ARHGEF19: variants seen among roughly 807,000 people sequenced by gnomAD.
ARHGEF19 encodes the protein Rho guanine nucleotide exchange factor (GEF) 19.
ARHGEF19 carries 92 observed loss-of-function variants against 87.6 expected under a neutral mutation model. The observed-to-expected ratio is 1.05, with a 90% CI of 0.89 to 1.25. ARHGEF19 has a LOEUF of 1.25. Among genes scored for constraint, ARHGEF19 ranks in the 50% most tolerant of loss-of-function variants. ARHGEF19 has a pLI of 0.00. For missense variants in ARHGEF19, 1,054 were observed against 1,051.8 expected, an observed-to-expected ratio of 1.00 and a Z score of -0.03; for synonymous variants, 438 against 446.2, an observed-to-expected ratio of 0.98 and a Z score of 0.23.
chr1:16,205,032 G>A lies in ARHGEF19; in HGVS notation c.1746+55C>T. The A allele has an allele frequency of 6.4e-7, 1 of 1,564,782 alleles. No individual in the cohort carries two copies. Among genetic ancestry groups the A allele is most frequent in the African/African-American group, 1.4e-5 (1 of 73,846 alleles). Reference sequence around the variant, plus strand: ...ACTGGCCTGAAGCCCCCAGGGCAAGGAAGAAACAAGAGCTGCCCCTTGGGG... The same window carrying A: ...ACTGGCCTGAAGCCCCCAGGGCAAGAAAGAAACAAGAGCTGCCCCTTGGGG... On this transcript the variant is annotated intron_variant, in intron 11 of 15. Transcript: ENST00000270747. The surrounding 1 kb of genome is among the most constrained non-coding windows in gnomAD (Gnocchi z 5.8).
chr1:16,205,208 C>A lies in ARHGEF19; in HGVS notation c.1657-32G>T. 6.3e-7 allele frequency: 1 copy of A among 1,591,360 alleles called. No homozygotes were observed. The highest frequency in any genetic ancestry group is 2.3e-5 in the East Asian group (1 of 43,992). On this transcript the variant is annotated intron_variant, in intron 10 of 15. Transcript: ENST00000270747. The surrounding 1 kb of genome is among the most constrained non-coding windows in gnomAD (Gnocchi z 5.8). ...GAGCCGTGGGGAGGTCACCTGCAGC[C>A]CCTCAGCTCCGGCTCCCAGAGCCCA...
At chr1:16,204,386 G>A (rs950862043) in intron 12 of ARHGEF19, among the ~76,000 whole-genome samples, 2 of 152,168 alleles carry the variant, frequency 1.3e-5, no homozygotes, top group African/African-American at 4.8e-5. Context: ...GGATTAAAGG[G>A]AATAATCCAC....
intron 13 of ARHGEF19, among the ~76,000 whole-genome samples, chr1:16,202,175 C>T (rs1220503996): frequency 6.6e-6 from 1 of 152,236 alleles, no homozygotes. Context: ...TGCCCAGAGG[C>T]TGAGGAGGAG....
At chr1:16,208,591 C>A (rs988682344) in intron 2 of ARHGEF19, 52 bp downstream of exon 2, 1 of 1,536,700 alleles carries the variant, frequency 6.5e-7, no homozygotes, top group Non-Finnish European at 8.7e-7. Context: ...CCCAGCCCCT[C>A]CCCTATCCCC....
chr1:16,205,698 G>A lies in ARHGEF19; in HGVS notation c.1452-31C>T. 1 of 1,581,086 alleles carries A rather than the reference G, an allele frequency of 6.3e-7. No individual in the cohort carries two copies. The highest frequency in any genetic ancestry group is 1.9e-5 in the Admixed American group (1 of 52,284). ...AAATGGGGAGGACTCTGGAATCACA[G>A]GTAGGCCTGAATTCCTGGGATCCAC... On this transcript the variant is annotated intron_variant, in intron 8 of 15. Transcript: ENST00000270747. The surrounding 1 kb of genome is among the most constrained non-coding windows in gnomAD (Gnocchi z 5.8).
At chr1:16,199,804 G>A (rs1325056717) in intron 14 of ARHGEF19, among the ~76,000 whole-genome samples, 4 of 151,340 alleles carry the variant, frequency 2.6e-5, no homozygotes, top group African/African-American at 4.9e-5. Flanking sequence ...TGCTATCCTC[G>A]TCTTCTCCCC....
In ARHGEF19 at chr1:16,212,494, G is replaced by C. The variant is rs1407483131; in HGVS notation, c.-30+8C>G. 1 of 152,542 alleles carries C rather than the reference G, an allele frequency of 6.6e-6. No individual in the cohort carries two copies. Among genetic ancestry groups the C allele is most frequent in the Admixed American group, 6.5e-5 (1 of 15,280 alleles). 9.4% of individuals were successfully genotyped at this position (152,542 alleles called of 1,614,324 possible). A position where few individuals can be genotyped will look rare whatever the true frequency, so the allele number is the denominator to read the frequency against. On this transcript the variant is annotated splice_region_variant and intron_variant, in intron 1 of 15. Transcript: ENST00000270747. Reference sequence around the variant, plus strand: ...AATGGGACTGCTGGCACCCAGGTGGGGCCCTACCTCAGCCAGGGAGCTCCG... The same window carrying C: ...AATGGGACTGCTGGCACCCAGGTGGCGCCCTACCTCAGCCAGGGAGCTCCG...
chr1:16,199,242 A>G lies in ARHGEF19; in HGVS notation c.2159T>C (p.Val720Ala). 2 of 1,613,732 alleles carry G rather than the reference A, an allele frequency of 1.2e-6. No homozygotes were observed. The highest frequency in any genetic ancestry group is 1.7e-6 in the Non-Finnish European group (2 of 1,179,832). ...TGCCTTGTATGTCCTAACACACTGAACCTGGGGGCAATCTGACAGCCCAAG... is the reference window on the plus strand; with the variant it reads ...TGCCTTGTATGTCCTAACACACTGAGCCTGGGGGCAATCTGACAGCCCAAG... ...VISEGEDCPQ[V>A]QCVRTYKALH... The change falls in exon 15 of 16, where the codon GTT (valine) becomes GCT (alanine). Residue 720 changes from valine to alanine, a missense_variant. Val to Ala is a moderately conservative substitution (Grantham distance 64). Coordinates refer to ENST00000270747, the MANE Select transcript of ARHGEF19 (RefSeq NM_153213.5).
Position 16,208,978 on chromosome 1 carries a change from A to C in ARHGEF19, c.77T>G (p.Val26Gly), listed in dbSNP as rs1403325111. The change falls in exon 2 of 16, where the codon GTG (valine) becomes GGG (glycine). Residue 26 changes from valine to glycine, a missense_variant. Coordinates refer to ENST00000270747, the MANE Select transcript of ARHGEF19 (RefSeq NM_153213.5). Reference protein sequence around the residue: ...PPGTAHHPVAVCQQESLSFAE... With the variant: ...PPGTAHHPVAGCQQESLSFAE... ...AAAGGACAGACTCTCCTGCTGGCAC[A>C]CTGCTACAGGGTGGTGGGCAGTGCC... 1 of 1,545,746 alleles carries C rather than the reference A, an allele frequency of 6.5e-7. No homozygotes were observed. Among genetic ancestry groups the C allele is most frequent in the African/African-American group, 1.4e-5 (1 of 72,156 alleles).
chr1:16,208,828 A>G lies in ARHGEF19; in HGVS notation c.227T>C (p.Leu76Ser). The change falls in exon 2 of 16, where the codon TTG (leucine) becomes TCG (serine). Residue 76 changes from leucine to serine, a missense_variant. Leu to Ser is a moderately radical substitution (Grantham distance 145). Coordinates refer to ENST00000270747, the MANE Select transcript of ARHGEF19 (RefSeq NM_153213.5). ...SLGTPAPLQG[L>S]LWPLSPGGSD... ...GCCTCCTGGGGATAATGGCCATAGC[A>G]ACCCTTGGAGAGGGGCAGGGGTCCC... The G allele has an allele frequency of 1.2e-6, 2 of 1,612,748 alleles. No individual in the cohort carries two copies. Among genetic ancestry groups the G allele is most frequent in the Non-Finnish European group, 1.7e-6 (2 of 1,179,540 alleles).
In ARHGEF19 at chr1:16,206,991, C is replaced by T; in HGVS notation, c.1094G>A (p.Gly365Asp). The change falls in exon 6 of 16, where the codon GGC becomes GAC. Residue 365 changes from glycine to aspartate, a missense_variant. Transcript: ENST00000270747. This position sits in a 1 kb window ranked among gnomAD's most constrained non-coding sequence, Gnocchi z 4.6. ...WQDIPDVRGS[G>D]VLATLSLRDC... ...CCGCAGGCTCAGCGTGGCCAGGACGCCGCTGCCGCGTACGTCGGGGATATC... is the reference window on the plus strand; with the variant it reads ...CCGCAGGCTCAGCGTGGCCAGGACGTCGCTGCCGCGTACGTCGGGGATATC... 7 of 1,516,240 alleles carry T rather than the reference C, an allele frequency of 4.6e-6. No homozygotes were observed. Among genetic ancestry groups the T allele is most frequent in the Non-Finnish European group, 6.2e-6 (7 of 1,136,124 alleles). The allele number at this position is 1,516,240 out of a possible 1,614,324, so 93.9% of individuals were successfully genotyped here. A position where few individuals can be genotyped will look rare whatever the true frequency, so the allele number is the denominator to read the frequency against.
intron 12 of ARHGEF19, among the ~76,000 whole-genome samples, chr1:16,204,358 C>A (rs575741854): frequency 6.6e-6 from 1 of 152,312 alleles, no homozygotes; most frequent in South Asian, 2.1e-4. Context: ...AAGCCTATTT[C>A]CCAGGGAGGT....
Position 16,198,670 on chromosome 1 carries a change from T to G in ARHGEF19, c.2326A>C (p.Ser776Arg). The part of the protein sequence containing the change: ...VPQAYVEEIS[S>R]LSARLRNLRE... ...AGGTTTCGGAGGCGGGCGCTGAGGC[T>G]GCTGATCTCTTCCACATAGGCCTGG... The change falls in exon 16 of 16, where the codon AGC becomes CGC. Residue 776 changes from serine to arginine, a missense_variant. Physicochemically the swap from Ser to Arg is moderately radical, Grantham distance 110. Transcript: ENST00000270747. The surrounding 1 kb of genome is among the most constrained non-coding windows in gnomAD (Gnocchi z 4.1). The G allele has an allele frequency of 1.2e-6, 2 of 1,613,790 alleles. No homozygotes were observed. Among genetic ancestry groups the G allele is most frequent in the Non-Finnish European group, 1.7e-6 (2 of 1,179,782 alleles).
In ARHGEF19 at chr1:16,205,276, G is replaced by A. The variant is rs2081117642; in HGVS notation, c.1656+75C>T. 1 of 1,606,838 alleles carries A rather than the reference G, an allele frequency of 6.2e-7. No individual in the cohort carries two copies. Among genetic ancestry groups the A allele is most frequent in the South Asian group, 1.1e-5 (1 of 90,722 alleles). ...GGGGACCGGAGACTCTGACAGCTGG[G>A]GGCTGTTTTAGAGACGTGCTGGGGG... On this transcript the variant is annotated intron_variant, in intron 10 of 15. Transcript: ENST00000270747. This position sits in a 1 kb window ranked among gnomAD's most constrained non-coding sequence, Gnocchi z 5.8.
In ARHGEF19 at chr1:16,206,408, C is replaced by T; in HGVS notation, c.1138-68G>A. ...CACCTCGGAGGCCCTGGCCTCACAT[C>T]CCCAGACCCCAGGACGCCACACCTC... On this transcript the variant is annotated intron_variant, in intron 6 of 15. Coordinates refer to ENST00000270747, the MANE Select transcript of ARHGEF19 (RefSeq NM_153213.5). This position sits in a 1 kb window ranked among gnomAD's most constrained non-coding sequence, Gnocchi z 4.6. 1 of 1,513,084 alleles carries T rather than the reference C, an allele frequency of 6.6e-7. No homozygotes were observed. The allele number at this position is 1,513,084 out of a possible 1,614,324, so 93.7% of individuals were successfully genotyped here. A position where few individuals can be genotyped will look rare whatever the true frequency, so the allele number is the denominator to read the frequency against.
In ARHGEF19 at chr1:16,207,670, G is replaced by A; in HGVS notation, c.797+5C>T. Reference sequence around the variant, plus strand: ...TCGGACCCAAGCCCAAACGGGAGGTGGTACCTGGGCTCGGACCAATCGCCC... The same window carrying A: ...TCGGACCCAAGCCCAAACGGGAGGTAGTACCTGGGCTCGGACCAATCGCCC... On this transcript the variant is annotated splice_donor_5th_base_variant and intron_variant, in intron 4 of 15. Coordinates refer to ENST00000270747, the MANE Select transcript of ARHGEF19 (RefSeq NM_153213.5). This position sits in a 1 kb window ranked among gnomAD's most constrained non-coding sequence, Gnocchi z 4.0. The A allele has an allele frequency of 6.2e-7, 1 of 1,614,096 alleles. No homozygotes were observed. The highest frequency in any genetic ancestry group is 8.5e-7 in the Non-Finnish European group (1 of 1,180,012).
Position 16,206,452 on chromosome 1 carries a change from T to G in ARHGEF19, c.1138-112A>C. Reference sequence around the variant, plus strand: ...ACACCTCGCGTCCTCGCCCCTTCTCTAGCCCCACTCCTAATCTGGCGCCGG... The same window carrying G: ...ACACCTCGCGTCCTCGCCCCTTCTCGAGCCCCACTCCTAATCTGGCGCCGG... On this transcript the variant is annotated intron_variant, in intron 6 of 15. Coordinates refer to ENST00000270747, the MANE Select transcript of ARHGEF19 (RefSeq NM_153213.5). This position sits in a 1 kb window ranked among gnomAD's most constrained non-coding sequence, Gnocchi z 4.6. 1 of 1,218,136 alleles carries G rather than the reference T, an allele frequency of 8.2e-7. No individual in the cohort carries two copies. The highest frequency in any genetic ancestry group is 1.2e-6 in the Non-Finnish European group (1 of 851,522). The allele number at this position is 1,218,136 out of a possible 1,614,324, so 75.5% of individuals were successfully genotyped here.
rs221058 is a variant in ARHGEF19, at chr1:16,208,151, C to G, written c.487G>C (p.Gly163Arg). Residue 163 changes from glycine (G) to arginine (R), a missense_variant, in exon 3 of 16, where the codon GGC becomes CGC. Physicochemically the swap from Gly to Arg is moderately radical, Grantham distance 125. Coordinates refer to ENST00000270747, the MANE Select transcript of ARHGEF19 (RefSeq NM_153213.5). The part of the protein sequence containing the change: ...PEAHAVFLEP[G>R]QVVQEQALST... ...AGGGCCTGCTCTTGCACTACCTGGC[C>G]AGGCTCTAGGAAGACAGCGTGGGCC... 0.26 allele frequency: 419,727 copies of G among 1,613,824 alleles called. 58,463 individuals are homozygous for G. The highest frequency in any genetic ancestry group is 0.43 in the Admixed American group (25,565 of 60,008).
At position 16,207,069 on chromosome 1, in the gene ARHGEF19, C is replaced by T; in HGVS notation, c.1016G>A (p.Ser339Asn). The T allele has an allele frequency of 6.6e-7, 1 of 1,509,154 alleles. No individual in the cohort carries two copies. Among genetic ancestry groups the T allele is most frequent in the Non-Finnish European group, 8.8e-7 (1 of 1,131,306 alleles). The allele number at this position is 1,509,154 out of a possible 1,614,324, so 93.5% of individuals were successfully genotyped here. A position where few individuals can be genotyped will look rare whatever the true frequency, so the allele number is the denominator to read the frequency against. ...CGCCGAGCGCTGCGCCCGGAAGGAG[C>T]TGCTGGGGGAGAGGTTGGCCCGCGG... ...GPPRANLSPSSSFRAQRSARG... is the reference protein window; with the variant it reads ...GPPRANLSPSNSFRAQRSARG... The change falls in exon 6 of 16, where the codon AGC becomes AAC. Residue 339 changes from serine to asparagine, a missense_variant. Transcript: ENST00000270747. This position sits in a 1 kb window ranked among gnomAD's most constrained non-coding sequence, Gnocchi z 4.0.
Sources: allele counts gnomAD v4.1 joint callset (sites outside exome capture counted in the v4.1 genomes callset), GRCh38; gene constraint gnomAD v4.1.1; non-coding constraint Gnocchi (gnomAD v3.1); transcripts MANE v1.5; gene names NCBI Gene and HGNC (gene_info 2026-07-23, HGNC 2026-07-21).